Variants in ADGRL1 observed in about 807,000 individuals in gnomAD.
ADGRL1 encodes the protein adhesion G protein-coupled receptor L1.
Under a neutral mutation model 148.9 loss-of-function variants are expected in ADGRL1, and 31 were observed. That is an observed-to-expected ratio of 0.21 (90% confidence interval 0.16 to 0.28). The LOEUF is 0.28. ADGRL1 is among the 10% of genes least tolerant of loss of function. ADGRL1 has a pLI of 1.00. For synonymous variants in ADGRL1, 937 were observed against 900.3 expected (o/e 1.04, Z -0.73); for missense variants, 1,521 against 2,058.8 (o/e 0.74, Z 5.05).
chr19:14,196,229 G>A (rs527499877), intron 1 of ADGRL1, among the ~76,000 whole-genome samples: 8 of 152,218 alleles, frequency 5.3e-5, no homozygotes, highest in Non-Finnish European at 1.0e-4. Context: ...CAGAGGGCGC[G>A]TGTGAGCATC....
intron 3 of ADGRL1, among the ~76,000 whole-genome samples, chr19:14,171,433 G>C (rs2144883461): frequency 6.6e-6 from 1 of 152,280 alleles, no homozygotes; most frequent in Non-Finnish European, 1.5e-5. Context: ...AGAAGGAGGA[G>C]TCACCCGCTA....
intron 2 of ADGRL1, among the ~76,000 whole-genome samples, chr19:14,183,024 G>A (rs1010096329): frequency 2.0e-5 from 3 of 152,180 alleles, no homozygotes; most frequent in Admixed American, 6.5e-5. Flanking sequence ...GCCAGTAATC[G>A]AGTAATCGGT....
chr19:14,151,238 A>G lies in ADGRL1; in HGVS notation c.4045T>C (p.Tyr1349His). Residue 1349 changes from tyrosine to histidine, a missense_variant, in exon 23 of 23, where the codon TAC becomes CAC. Physicochemically the swap from Tyr to His is moderately conservative, Grantham distance 83 (BLOSUM62 2). This residue lies in a region of ADGRL1 where 390 missense variants were observed against 375.0 expected (regional missense o/e 1.04). Transcript: ENST00000361434. Reference protein sequence around the residue: ...LLLPRAQSVLYQSDLDESESC... With the variant: ...LLLPRAQSVLHQSDLDESESC... ...TCCGACTCGTCCAGATCGCTCTGGTACAGCACCGACTGGGCCCGGGGCAGC... is the reference window on the plus strand; with the variant it reads ...TCCGACTCGTCCAGATCGCTCTGGTGCAGCACCGACTGGGCCCGGGGCAGC... 6.2e-7 allele frequency: 1 copy of G among 1,612,022 alleles called. No individual in the cohort carries two copies. Among genetic ancestry groups the G allele is most frequent in the East Asian group, 2.2e-5 (1 of 44,854 alleles).
In ADGRL1 at chr19:14,160,383, TCTC is replaced by T. The variant is rs1423807868; in HGVS notation, c.1615-89_1615-87del. 8.1e-6 allele frequency: 10 copies of T among 1,239,518 alleles called. No homozygotes were observed. The South Asian group carries it at 8.6e-5, about 11-fold the overall frequency. 76.8% of individuals were successfully genotyped at this position (1,239,518 alleles called of 1,614,324 possible). ...CCCGGCTTCCCTGGCCTGTGCAGCCTCTCCTATCTCTCTCTCCACTTCCCCATC... is the reference window on the plus strand; with the variant it reads ...CCCGGCTTCCCTGGCCTGTGCAGCCTCTATCTCTCTCTCCACTTCCCCATC... On this transcript the variant is annotated intron_variant, in intron 7 of 22. Transcript: ENST00000361434. This position sits in a 1 kb window ranked among gnomAD's most constrained non-coding sequence, Gnocchi z 5.9.
rs181793231 is a variant in ADGRL1, at chr19:14,195,545, G to C, written c.-96+10440C>G. Among the ~76,000 whole-genome samples the C allele has an allele frequency of 5.7e-3, 868 of 152,158 alleles. 13 individuals are homozygous for C. The highest frequency in any genetic ancestry group is 0.048 in the East Asian group (245 of 5,154). On this transcript the variant is annotated intron_variant, in intron 1 of 22. Transcript: ENST00000361434. ...GTCTCCTCCCTTCCTGGCAGCAGCCGGCCCCTCCACACACAGCCCTCTGGC... is the reference window on the plus strand; with the variant it reads ...GTCTCCTCCCTTCCTGGCAGCAGCCCGCCCCTCCACACACAGCCCTCTGGC...
chr19:14,152,514 C>T lies in ADGRL1; in HGVS notation c.3520+3G>A, dbSNP rs373735634. On this transcript the variant is annotated splice_donor_region_variant and intron_variant, in intron 20 of 22. Transcript: ENST00000361434. The surrounding 1 kb of genome is among the most constrained non-coding windows in gnomAD (Gnocchi z 6.1). ...AGCCAGAGGCAGAAGGATGCCTTCT[C>T]ACCTCGGTTCAGGGTGGGGGTGCTG... 2.3e-5 allele frequency: 37 copies of T among 1,613,766 alleles called. 1 individual carries two copies. Among genetic ancestry groups the T allele is most frequent in the East Asian group, 1.8e-4 (8 of 44,884 alleles).
In ADGRL1 at chr19:14,157,966, G is replaced by A. The variant is rs1336434666; in HGVS notation, c.2451C>T (p.Arg817=). 17 of 1,614,236 alleles carry A rather than the reference G, an allele frequency of 1.1e-5. No individual in the cohort carries two copies. Among genetic ancestry groups the A allele is most frequent in the Non-Finnish European group, 1.4e-5 (17 of 1,180,036 alleles). Residue 817 remains arginine (R), a synonymous_variant, in exon 13 of 23, where the codon CGC becomes CGT. Transcript: ENST00000361434. This position sits in a 1 kb window ranked among gnomAD's most constrained non-coding sequence, Gnocchi z 7.5. The stretch of plus-strand genomic sequence containing the variant: ...TATGGGTCTTGTTGGACTCCACCAG[G>A]CGGCAGCCTTGGGTCGACCAGTAGC... ...MLGYWSTQGC[R]LVESNKTHTT...
chr19:14,182,001 G>A (rs1971231575), intron 2 of ADGRL1, among the ~76,000 whole-genome samples: 1 of 152,158 alleles, frequency 6.6e-6, no homozygotes. Context: ...CCCCATGTTG[G>A]TCATCACCTT....
At position 14,162,373 on chromosome 19, in the gene ADGRL1, A is replaced by C. The variant is rs563892653; in HGVS notation, c.1195+233T>G. On this transcript the variant is annotated intron_variant, in intron 5 of 22. Coordinates refer to ENST00000361434, the MANE Select transcript of ADGRL1 (RefSeq NM_014921.5). The surrounding 1 kb of genome is among the most constrained non-coding windows in gnomAD (Gnocchi z 5.4). ...TAATCCCCTACCCACACAGAGCCTC[A>C]GTGTCATCTGTAAAACAGGGCAGTA... 6.0e-4 allele frequency among the ~76,000 whole-genome samples: 91 copies of C among 152,358 alleles called. No homozygotes were observed. Among genetic ancestry groups the C allele is most frequent in the African/African-American group, 2.0e-3 (84 of 41,570 alleles).
chr19:14,156,231 T>G (rs917894004), intron 16 of ADGRL1, 30 bp from the exon 17 acceptor site: 1 of 1,537,532 alleles, frequency 6.5e-7, no homozygotes, highest in Non-Finnish European at 9.0e-7. Flanking sequence ...CAGGCTGGGC[T>G]GAGAGTGGCC....
chr19:14,151,015 G>A lies in ADGRL1; in HGVS notation c.4268C>T (p.Pro1423Leu), dbSNP rs201626653. The A allele has an allele frequency of 8.9e-6, 14 of 1,567,028 alleles. No individual in the cohort carries two copies. The highest frequency in any genetic ancestry group is 2.3e-5 in the South Asian group (2 of 85,768). ...GPPEIYYTSR[P>L]PALVARNPLQ... ...GGGATTCCGGGCCACCAGGGCTGGC[G>A]GGCGCGAGGTGTAGTAGATTTCGGG... is the stretch of plus-strand genomic sequence containing the variant. The change falls in exon 23 of 23, where the codon CCG becomes CTG. Residue 1423 changes from proline to leucine, a missense_variant. Pro to Leu is a moderately conservative substitution (Grantham distance 98). Transcript: ENST00000361434.
At chr19:14,200,135 C>A (rs1375569239) in intron 1 of ADGRL1, among the ~76,000 whole-genome samples, 2 of 152,208 alleles carry the variant, frequency 1.3e-5, no homozygotes, top group African/African-American at 2.4e-5. Flanking sequence ...CGCAGGTGTT[C>A]AGTTCAGGAG....
chr19:14,170,899 G>T, intron 3 of ADGRL1, 108 bp from the exon 4 acceptor site: 1 of 641,318 alleles, frequency 1.6e-6, no homozygotes. Context: ...AAATTGGGAA[G>T]GGGCAGTGGA....
intron 3 of ADGRL1, 181 bp from the exon 4 acceptor site, chr19:14,170,972 A>G: frequency 1.8e-6 from 1 of 559,834 alleles, no homozygotes; most frequent in Non-Finnish European, 3.2e-6. Flanking sequence ...TTGAATTGTG[A>G]TCTCCAGTGT....
At chr19:14,158,933 C>T (rs1218039351) in intron 11 of ADGRL1, among the ~76,000 whole-genome samples, 157 bp downstream of exon 11, 3 of 152,106 alleles carry the variant, frequency 2.0e-5, no homozygotes, top group Admixed American at 6.6e-5. Flanking sequence ...TAGGGCTCTG[C>T]AGCACTTCAG....
At chr19:14,186,067 TA>T (rs1599493516) in intron 1 of ADGRL1, among the ~76,000 whole-genome samples, 1 of 152,010 alleles carries the variant, frequency 6.6e-6, no homozygotes, top group Non-Finnish European at 1.5e-5. Context: ...TATTTACTTT[TA>T]TTTTTTTAGA....
Position 14,159,703 on chromosome 19 carries a change from C to A in ADGRL1, c.1839+32G>T, listed in dbSNP as rs779262348. 3.1e-6 allele frequency: 5 copies of A among 1,609,522 alleles called. No individual in the cohort carries two copies. The South Asian group carries it at 4.4e-5, about 14-fold the overall frequency. On this transcript the variant is annotated intron_variant, in intron 9 of 22. Transcript: ENST00000361434. The surrounding 1 kb of genome is among the most constrained non-coding windows in gnomAD (Gnocchi z 6.0). ...TAATCCCCCCATCAGCTGGAGCCCA[C>A]GGTCCTTACACTGGGACCCCCTGGG...
At chr19:14,167,896 C>T (rs964384194) in intron 4 of ADGRL1, among the ~76,000 whole-genome samples, 2 of 151,954 alleles carry the variant, frequency 1.3e-5, no homozygotes, top group African/African-American at 4.8e-5. Context: ...GGCCCAGGAG[C>T]TGGGAGCTCC....
intron 4 of ADGRL1, chr19:14,170,178 G>A (rs753849053): frequency 6.5e-6 from 1 of 154,108 alleles, no homozygotes; most frequent in Non-Finnish European, 1.4e-5. Context: ...TGGGGAGTGA[G>A]GGTGCTGAGA....
Sources: allele counts gnomAD v4.1 joint callset (sites outside exome capture counted in the v4.1 genomes callset), GRCh38; gene constraint gnomAD v4.1.1; regional missense constraint gnomAD v4.1.1; non-coding constraint Gnocchi (gnomAD v3.1); transcripts MANE v1.5; gene names NCBI Gene and HGNC (gene_info 2026-07-23, HGNC 2026-07-21).